The following ZNF148 variants were observed in gnomAD, a reference collection of about 807,000 sequenced individuals.
ZNF148 encodes Beta-Enolase Repressor Factor-1.
A neutral mutation model predicts 67.7 loss-of-function variants in ZNF148; 7 were observed. The ratio of observed to expected loss-of-function variants is 0.10; its 90% CI spans 0.06 to 0.19. ZNF148 has a LOEUF of 0.19. ZNF148 is among the 10% of genes least tolerant of loss of function. The pLI is 1.00. For synonymous variants in ZNF148, 333 were observed against 330.7 expected, an observed-to-expected ratio of 1.01 and a Z score of -0.08; for missense variants, 583 against 947.1, an observed-to-expected ratio of 0.62 and a Z score of 5.05.
chr3:125,265,286 T>C (rs560493031), intron 7 of ZNF148, among the ~76,000 whole-genome samples: 85 of 152,322 alleles, frequency 5.6e-4, no homozygotes, highest in South Asian at 3.1e-3. Context: ...TTTTAGTAGC[T>C]AGCCTCCACT....
chr3:125,254,872 T>C (rs1178398223), intron 7 of ZNF148, among the ~76,000 whole-genome samples: 1 of 152,222 alleles, frequency 6.6e-6, no homozygotes, highest in Non-Finnish European at 1.5e-5. Context: ...AATCTTTATT[T>C]GTTTTCTGTT....
intron 1 of ZNF148, among the ~76,000 whole-genome samples, chr3:125,363,806 T>TGTGCCACCAC (rs1942619005): frequency 6.6e-6 from 1 of 151,562 alleles, no homozygotes; most frequent in Non-Finnish European, 1.5e-5. Context: ...TGTGCCACCA[T>TGTGCCACCAC]GCCCCGCTAA....
intron 7 of ZNF148, among the ~76,000 whole-genome samples, chr3:125,244,671 T>C (rs1936516991): frequency 6.6e-6 from 1 of 152,122 alleles, no homozygotes; most frequent in African/African-American, 2.4e-5. Context: ...CTTATTTTTG[T>C]ATTACTAGTA....
At chr3:125,241,955 C>G (rs757011082) in intron 7 of ZNF148, among the ~76,000 whole-genome samples, 9 of 152,180 alleles carry the variant, frequency 5.9e-5, no homozygotes, top group Non-Finnish European at 1.3e-4. Context: ...GGTGAAAAAA[C>G]ATTATCTCAG....
rs372672329 is a variant in ZNF148, at chr3:125,318,374, C to A, written c.-16-4718G>T. On this transcript the variant is annotated intron_variant, in intron 3 of 8. Transcript: ENST00000360647. ...TCCTGTTAACTCCTCAAAAAGCCAA[C>A]TGCTTTCTAATCCAAATGTGTGTAT... Among the ~76,000 whole-genome samples the A allele has an allele frequency of 2.2e-4, 34 of 152,282 alleles. 1 individual carries two copies. The highest frequency in any genetic ancestry group is 7.9e-4 in the African/African-American group (33 of 41,570).
intron 4 of ZNF148, among the ~76,000 whole-genome samples, chr3:125,290,744 G>A (rs1419204681): frequency 2.0e-5 from 3 of 151,686 alleles, no homozygotes; most frequent in Admixed American, 6.6e-5. Flanking sequence ...TAAAATGTAC[G>A]TGCAGGGTTC....
intron 7 of ZNF148, among the ~76,000 whole-genome samples, chr3:125,272,352 T>A (rs1937792058): frequency 6.6e-6 from 1 of 152,216 alleles, no homozygotes; most frequent in Non-Finnish European, 1.5e-5. Flanking sequence ...AAAGACTTGT[T>A]AAAACAAATG....
At chr3:125,270,452 A>C (rs1937673570) in intron 7 of ZNF148, among the ~76,000 whole-genome samples, 1 of 152,180 alleles carries the variant, frequency 6.6e-6, no homozygotes, top group Non-Finnish European at 1.5e-5. Flanking sequence ...GAAGTAATTG[A>C]GTATTTTTCC....
chr3:125,372,652 T>A (rs1942928250), intron 1 of ZNF148, among the ~76,000 whole-genome samples: 1 of 152,172 alleles, frequency 6.6e-6, no homozygotes, highest in African/African-American at 2.4e-5. Flanking sequence ...TCATTGTAAG[T>A]TCCCTCAGAA....
chr3:125,235,851 CA>C (rs1234042638), intron 7 of ZNF148, among the ~76,000 whole-genome samples: 1 of 146,548 alleles, frequency 6.8e-6, no homozygotes, highest in Admixed American at 7.1e-5. Context: ...ATCACAAGGA[CA>C]AAAAACCAAA....
chr3:125,249,953 A>C (rs1936768049), intron 7 of ZNF148, among the ~76,000 whole-genome samples: 1 of 152,318 alleles, frequency 6.6e-6, no homozygotes, highest in East Asian at 1.9e-4. Context: ...GATCTCATTT[A>C]TAGGTGGAAT....
At chr3:125,342,698 AG>A (rs1169582403) in intron 1 of ZNF148, among the ~76,000 whole-genome samples, 5 of 152,230 alleles carry the variant, frequency 3.3e-5, no homozygotes, top group Admixed American at 6.5e-5. Flanking sequence ...GAAATATCAA[AG>A]AAGAAACAAC....
intron 1 of ZNF148, among the ~76,000 whole-genome samples, chr3:125,340,101 G>A (rs1447948997): frequency 2.0e-5 from 3 of 152,156 alleles, no homozygotes; most frequent in Admixed American, 2.0e-4. Context: ...GGGACCCAAG[G>A]AATGGAGAAA....
chr3:125,320,575 G>C (rs1323152794), intron 3 of ZNF148, among the ~76,000 whole-genome samples: 1 of 152,086 alleles, frequency 6.6e-6, no homozygotes, highest in South Asian at 2.1e-4. Flanking sequence ...ATGAGTCAAA[G>C]CAGGTTATAA....
At chr3:125,288,424 T>C (rs1162730964) in intron 4 of ZNF148, among the ~76,000 whole-genome samples, 196 bp from the exon 5 acceptor site, 3 of 151,832 alleles carry the variant, frequency 2.0e-5, no homozygotes, top group African/African-American at 4.8e-5. Context: ...TGAGAGTACA[T>C]AAATTGAGGG....
chr3:125,260,527 T>A (rs980355158), intron 7 of ZNF148, among the ~76,000 whole-genome samples: 1 of 152,186 alleles, frequency 6.6e-6, no homozygotes, highest in African/African-American at 2.4e-5. Context: ...CTACATACCA[T>A]ATAATTCAAT....
intron 4 of ZNF148, chr3:125,311,251 T>G (rs74602649): frequency 1.5e-3 from 226 of 154,472 alleles, no homozygotes; most frequent in Non-Finnish European, 2.5e-3. Flanking sequence ...GTGATCGTAT[T>G]GCACAGCTCA....
intron 1 of ZNF148, among the ~76,000 whole-genome samples, chr3:125,340,377 A>G (rs555938478): frequency 3.7e-4 from 56 of 152,294 alleles, no homozygotes; most frequent in Non-Finnish European, 6.9e-4. Context: ...AGAGACAGAG[A>G]GGCAAGTAGG....
chr3:125,284,132 T>C (rs1053291102), intron 5 of ZNF148, among the ~76,000 whole-genome samples: 1 of 152,158 alleles, frequency 6.6e-6, no homozygotes, highest in Non-Finnish European at 1.5e-5. Flanking sequence ...ATATAATATA[T>C]ACAACATGGG....
Sources: gnomAD v4.1 joint callset for allele counts (sites outside exome capture counted in the v4.1 genomes callset) on GRCh38, gnomAD v4.1.1 for gene constraint, MANE v1.5 for transcripts, NCBI Gene and HGNC (gene_info 2026-07-23, HGNC 2026-07-21) for gene names.